The following RBFOX1 variants were observed in gnomAD, a reference collection of about 807,000 sequenced individuals.
The protein encoded by RBFOX1 is RNA binding protein fox-1 homolog 1.
A neutral mutation model predicts 57.7 loss-of-function variants in RBFOX1; 8 were observed. That is an observed-to-expected ratio of 0.14 (90% CI 0.08 to 0.25). The LOEUF (loss-of-function observed/expected upper bound fraction) is 0.25. Among genes scored for constraint, RBFOX1 ranks in the 10% least tolerant of loss-of-function variants. RBFOX1 has a pLI of 1.00. For synonymous variants in RBFOX1, 326 were observed against 222.4 expected (o/e 1.47, Z -4.15); for missense variants, 611 against 548.5 (o/e 1.11, Z -1.14).
intron 3 of RBFOX1, among the ~76,000 whole-genome samples, chr16:6,746,597 G>C (rs932663538): frequency 1.3e-5 from 2 of 151,962 alleles, no homozygotes; most frequent in African/African-American, 2.4e-5. Flanking sequence ...GGGATCACCT[G>C]AACCTGGGAA....
At chr16:7,074,018 T>G (rs2057853591) in intron 4 of RBFOX1, among the ~76,000 whole-genome samples, 1 of 152,220 alleles carries the variant, frequency 6.6e-6, no homozygotes, top group Non-Finnish European at 1.5e-5. Context: ...TTGTTTCCAT[T>G]TTGCCTATGG....
chr16:7,058,895 G>A (rs1014883481), intron 4 of RBFOX1, among the ~76,000 whole-genome samples: 5 of 152,080 alleles, frequency 3.3e-5, no homozygotes, highest in African/African-American at 7.2e-5. Context: ...CATATTGCCC[G>A]CAGTTATGAC....
At chr16:7,669,483 T>C (rs2070660399) in intron 13 of RBFOX1, among the ~76,000 whole-genome samples, 1 of 152,052 alleles carries the variant, frequency 6.6e-6, no homozygotes, top group East Asian at 1.9e-4. Context: ...GGATATAGAG[T>C]ATAAATGTTA....
At chr16:6,299,011 G>A (rs1006403806) in intron 1 of RBFOX1, among the ~76,000 whole-genome samples, 5 of 152,160 alleles carry the variant, frequency 3.3e-5, no homozygotes, top group Non-Finnish European at 7.3e-5. Flanking sequence ...CTTTCCTCGT[G>A]CTATTTCTGC....
chr16:5,246,743 T>A (rs2062310509), intron 1 of RBFOX1, among the ~76,000 whole-genome samples: 5 of 152,156 alleles, frequency 3.3e-5, no homozygotes, highest in Admixed American at 2.6e-4. Flanking sequence ...TGATCTTGGC[T>A]GACTGCAGCC....
intron 4 of RBFOX1, among the ~76,000 whole-genome samples, chr16:7,055,613 C>G (rs1478718): frequency 0.52 from 78,756 of 152,056 alleles, 23,281 homozygotes; most frequent in South Asian, 0.77. Flanking sequence ...TCACTGCAGT[C>G]GTTTTCTTAG....
chr16:7,213,418 C>G (rs910562759), intron 4 of RBFOX1, among the ~76,000 whole-genome samples: 18 of 152,084 alleles, frequency 1.2e-4, no homozygotes, highest in African/African-American at 4.3e-4. Flanking sequence ...AGTTGAGAAC[C>G]ATTGCCTGAC....
chr16:6,162,169 G>C (rs541126333), intron 1 of RBFOX1, among the ~76,000 whole-genome samples: 4 of 152,190 alleles, frequency 2.6e-5, no homozygotes, highest in African/African-American at 9.6e-5. Context: ...CCAGGCTGGA[G>C]TGCAGTGGTG....
At chr16:6,873,127 A>G (rs2061239354) in intron 3 of RBFOX1, among the ~76,000 whole-genome samples, 1 of 150,756 alleles carries the variant, frequency 6.6e-6, no homozygotes, top group Non-Finnish European at 1.5e-5. Flanking sequence ...GTTTCTATGC[A>G]TTGGAAAAAA....
chr16:7,643,270 G>C (rs569037175), intron 11 of RBFOX1, among the ~76,000 whole-genome samples: 1 of 152,302 alleles, frequency 6.6e-6, no homozygotes, highest in African/African-American at 2.4e-5. Flanking sequence ...GGGAACACCA[G>C]ACTCGTTGCT....
At chr16:5,702,399 C>T (rs553744826) in intron 3 of RBFOX1, among the ~76,000 whole-genome samples, 2 of 152,262 alleles carry the variant, frequency 1.3e-5, no homozygotes, top group South Asian at 2.1e-4. Flanking sequence ...GATGCAGTCA[C>T]CTCCCACCGT....
intron 4 of RBFOX1, among the ~76,000 whole-genome samples, chr16:7,238,305 C>A (rs1003519544): frequency 6.6e-6 from 1 of 151,064 alleles, no homozygotes; most frequent in Non-Finnish European, 1.5e-5. Context: ...CTTAACACTA[C>A]TCAACTGCAG....
chr16:6,842,267 T>C (rs59136772), intron 3 of RBFOX1, among the ~76,000 whole-genome samples: 1,661 of 152,210 alleles, frequency 0.011, 39 homozygotes, highest in African/African-American at 0.038. Flanking sequence ...GTGGCATATA[T>C]TTTTCTGTAA....
intron 3 of RBFOX1, among the ~76,000 whole-genome samples, chr16:6,950,377 C>T (rs867477554): frequency 6.2e-5 from 9 of 145,036 alleles, no homozygotes; most frequent in Admixed American, 2.7e-4. Context: ...TCCCTCTGTC[C>T]ACCCACCACC....
chr16:7,558,005 A>C (rs1395371589), intron 5 of RBFOX1, among the ~76,000 whole-genome samples: 2 of 152,176 alleles, frequency 1.3e-5, no homozygotes, highest in Non-Finnish European at 2.9e-5. Context: ...GATAATATTC[A>C]AGTATGGTAA....
At chr16:5,660,455 G>T (rs1242279664) in intron 3 of RBFOX1, among the ~76,000 whole-genome samples, 2 of 152,186 alleles carry the variant, frequency 1.3e-5, no homozygotes, top group African/African-American at 4.8e-5. Context: ...TCTCAGACCT[G>T]TGATTTCGTT....
intron 2 of RBFOX1, among the ~76,000 whole-genome samples, chr16:6,635,603 A>G (rs1480762924): frequency 6.6e-6 from 1 of 152,204 alleles, no homozygotes; most frequent in Non-Finnish European, 1.5e-5. Flanking sequence ...AGGGTCTGGG[A>G]GGAACATACT....
intron 3 of RBFOX1, among the ~76,000 whole-genome samples, chr16:5,659,524 C>T (rs1295968932): frequency 6.6e-6 from 1 of 152,034 alleles, no homozygotes; most frequent in South Asian, 2.1e-4. Context: ...AGGATGGCCT[C>T]AGTCTCCTGA....
At chr16:6,924,037 G>A (rs911110268) in intron 3 of RBFOX1, among the ~76,000 whole-genome samples, 1 of 151,888 alleles carries the variant, frequency 6.6e-6, no homozygotes, top group Non-Finnish European at 1.5e-5. Flanking sequence ...AGGTATGGTG[G>A]TACGTACCTG....
Sources: allele counts gnomAD v4.1 joint callset (sites outside exome capture counted in the v4.1 genomes callset), GRCh38; gene constraint gnomAD v4.1.1; transcripts MANE v1.5; gene names NCBI Gene and HGNC (gene_info 2026-07-23, HGNC 2026-07-21).